GRM1: variants seen among roughly 807,000 people sequenced by gnomAD.
GRM1 encodes glutamate metabotropic receptor 1, also known as metabotropic glutamate receptor 1.
Under a neutral mutation model 90.9 loss-of-function variants are expected in GRM1, and 33 were observed. The observed-to-expected ratio is 0.36, with a 90% CI of 0.28 to 0.49. The LOEUF (loss-of-function observed/expected upper bound fraction) is 0.49, where lower values mean the gene tolerates loss of function less well. Among genes scored for constraint, GRM1 ranks in the 20% least tolerant of loss-of-function variants. The probability of loss-of-function intolerance (pLI) is 0.99; values close to 1 mark genes in which losing one functional copy is unlikely to be tolerated. For synonymous variants in GRM1, 700 were observed against 613.2 expected, an observed-to-expected ratio of 1.14 and a Z score of -2.09; for missense variants, 1,190 against 1,534.3, an observed-to-expected ratio of 0.78 and a Z score of 3.75.
intron 1 of GRM1, among the ~76,000 whole-genome samples, chr6:146,068,157 G>A (rs573347334): frequency 5.3e-5 from 8 of 150,402 alleles, no homozygotes; most frequent in Admixed American, 4.0e-4. Context: ...TGTCGTCCAG[G>A]CTGGAGTGCA....
chr6:146,186,766 A>G (rs1778747479), intron 2 of GRM1, among the ~76,000 whole-genome samples: 1 of 152,218 alleles, frequency 6.6e-6, no homozygotes. Context: ...TCTGGTAACA[A>G]ACACCCACAA....
At chr6:146,394,112 C>A (rs906019538) in intron 6 of GRM1, among the ~76,000 whole-genome samples, 1 of 152,144 alleles carries the variant, frequency 6.6e-6, no homozygotes, top group African/African-American at 2.4e-5. Flanking sequence ...CAAAAATTAA[C>A]TCAAGATGGA....
At chr6:146,172,189 T>G (rs929912727) in intron 2 of GRM1, among the ~76,000 whole-genome samples, 2 of 152,224 alleles carry the variant, frequency 1.3e-5, no homozygotes, top group African/African-American at 4.8e-5. Context: ...TCTACGTTCC[T>G]TGGATTGTAG....
At chr6:146,355,356 C>T (rs1360677621) in intron 4 of GRM1, among the ~76,000 whole-genome samples, 2 of 152,190 alleles carry the variant, frequency 1.3e-5, no homozygotes, top group Non-Finnish European at 2.9e-5. Flanking sequence ...GAATAACTTT[C>T]TGGTATGTCT....
intron 6 of GRM1, 59 bp downstream of exon 6, chr6:146,387,075 A>G (rs1385332414): frequency 2.7e-6 from 4 of 1,505,358 alleles, no homozygotes; most frequent in Non-Finnish European, 3.7e-6. Flanking sequence ...CAATGTGTCC[A>G]TCCCTCAAAT....
intron 1 of GRM1, among the ~76,000 whole-genome samples, chr6:146,136,071 T>C (rs1465703497): frequency 6.6e-6 from 1 of 152,212 alleles, no homozygotes; most frequent in Non-Finnish European, 1.5e-5. Flanking sequence ...CTTAAGATAA[T>C]GACCTCCAGT....
intron 1 of GRM1, among the ~76,000 whole-genome samples, chr6:146,151,787 A>G (rs953553570): frequency 4.6e-5 from 7 of 152,172 alleles, no homozygotes; most frequent in African/African-American, 1.7e-4. Flanking sequence ...TTACTCTGGT[A>G]TAAACAATCA....
At chr6:146,143,043 C>T (rs1776947781) in intron 1 of GRM1, among the ~76,000 whole-genome samples, 1 of 152,144 alleles carries the variant, frequency 6.6e-6, no homozygotes, top group South Asian at 2.1e-4. Context: ...CCCCAAGGCC[C>T]ATGATGTGCG....
chr6:146,346,866 G>T (rs1347118076), intron 3 of GRM1, among the ~76,000 whole-genome samples: 4 of 152,170 alleles, frequency 2.6e-5, no homozygotes, highest in Non-Finnish European at 4.4e-5. Flanking sequence ...ATAAGCAGTG[G>T]AGAGCTACAA....
chr6:146,317,387 G>A (rs1422141933), intron 3 of GRM1, among the ~76,000 whole-genome samples: 1 of 152,192 alleles, frequency 6.6e-6, no homozygotes, highest in Non-Finnish European at 1.5e-5. Context: ...ATACTAATGA[G>A]TGTTTTGCCA....
At chr6:146,225,642 A>T (rs543002471) in intron 2 of GRM1, among the ~76,000 whole-genome samples, 1 of 152,262 alleles carries the variant, frequency 6.6e-6, no homozygotes, top group Non-Finnish European at 1.5e-5. Flanking sequence ...TTGGAAAATA[A>T]ATTACATTCT....
chr6:146,192,385 G>T (rs1274772971), intron 2 of GRM1, among the ~76,000 whole-genome samples: 6 of 152,120 alleles, frequency 3.9e-5, no homozygotes, highest in Non-Finnish European at 8.8e-5. Flanking sequence ...TACACAGCTG[G>T]GTCAGAATTC....
Position 146,399,712 on chromosome 6 carries a change from A to G in GRM1, c.2660+13A>G, listed in dbSNP as rs748795471. On this transcript the variant is annotated intron_variant, in intron 7 of 7. Coordinates refer to ENST00000282753, the MANE Select transcript of GRM1 (RefSeq NM_001278064.2). The surrounding 1 kb of genome is among the most constrained non-coding windows in gnomAD (Gnocchi z 5.4). ...CAGGGAATGCCAAGTGAGTTATCTG[A>G]CCTGTTTGTCTCTCTTTTCTCTTCC... 1.1e-5 allele frequency: 17 copies of G among 1,557,342 alleles called. No individual in the cohort carries two copies. Among genetic ancestry groups the G allele is most frequent in the Non-Finnish European group, 1.4e-5 (16 of 1,137,870 alleles).
intron 1 of GRM1, among the ~76,000 whole-genome samples, chr6:146,125,555 C>G (rs1464075440): frequency 6.6e-6 from 1 of 151,606 alleles, no homozygotes; most frequent in Non-Finnish European, 1.5e-5. Flanking sequence ...TGGCTGTCAT[C>G]ATTTGATTCT....
At chr6:146,278,898 G>A (rs1302406355) in intron 2 of GRM1, among the ~76,000 whole-genome samples, 1 of 152,078 alleles carries the variant, frequency 6.6e-6, no homozygotes, top group Non-Finnish European at 1.5e-5. Context: ...GTAGAGTCGG[G>A]GTTTCACCGT....
At chr6:146,067,581 TAGTAA>T (rs1179738875) in intron 1 of GRM1, among the ~76,000 whole-genome samples, 51 of 152,166 alleles carry the variant, frequency 3.4e-4, no homozygotes, top group African/African-American at 1.2e-3. Flanking sequence ...ACATGATCCT[TAGTAA>T]AGTAATTTAA....
intron 2 of GRM1, among the ~76,000 whole-genome samples, chr6:146,187,840 G>T (rs1778792007): frequency 6.6e-6 from 1 of 151,772 alleles, no homozygotes; most frequent in Non-Finnish European, 1.5e-5. Context: ...AATAGATGAG[G>T]TTTTGGAAAT....
At chr6:146,032,769 A>G (rs1433369729) in intron 1 of GRM1, among the ~76,000 whole-genome samples, 2 of 152,160 alleles carry the variant, frequency 1.3e-5, no homozygotes. Context: ...ATTCATTATC[A>G]TCGTTTCTTG....
intron 2 of GRM1, chr6:146,171,770 G>A (rs1263597650): frequency 6.8e-6 from 2 of 294,696 alleles, no homozygotes; most frequent in South Asian, 4.5e-5. Context: ...AGCTGAGGAG[G>A]TGGTGTCATT....
Sources: allele counts gnomAD v4.1 joint callset (sites outside exome capture counted in the v4.1 genomes callset), GRCh38; gene constraint gnomAD v4.1.1; non-coding constraint Gnocchi (gnomAD v3.1); transcripts MANE v1.5; gene names NCBI Gene and HGNC (gene_info 2026-07-23, HGNC 2026-07-21).